The following CNTNAP2 variants were observed in gnomAD, a reference collection of about 807,000 sequenced individuals.
CNTNAP2 encodes contactin-associated protein-like 2.
In CNTNAP2, 98 loss-of-function variants were observed where a neutral mutation model predicts 155.2. That is an observed-to-expected ratio of 0.63 (90% CI 0.54 to 0.75). The LOEUF (loss-of-function observed/expected upper bound fraction) is 0.75. Among genes scored for constraint, CNTNAP2 ranks in the 30% least tolerant of loss-of-function variants. The pLI, the probability that CNTNAP2 is intolerant of heterozygous loss-of-function variation, is 0.00. For synonymous variants in CNTNAP2, 651 were observed against 631.2 expected, an observed-to-expected ratio of 1.03 and a Z score of -0.47; for missense variants, 1,727 against 1,688.1, an observed-to-expected ratio of 1.02 and a Z score of -0.40.
At chr7:147,343,903 C>A (rs1406246774) in intron 9 of CNTNAP2, among the ~76,000 whole-genome samples, 3 of 152,092 alleles carry the variant, frequency 2.0e-5, no homozygotes, top group Non-Finnish European at 4.4e-5. Flanking sequence ...ATTTAAAGAT[C>A]AAGACCAGTC....
At position 147,249,604 on chromosome 7, in the gene CNTNAP2, T is replaced by TAAA. The variant is rs755601249; in HGVS notation, c.1349-50518_1349-50516dup. 2.8e-3 allele frequency among the ~76,000 whole-genome samples: 199 copies of TAAA among 70,006 alleles called. 4 individuals carry two copies. Among genetic ancestry groups the TAAA allele is most frequent in the South Asian group, 0.015 (19 of 1,232 alleles). The allele number at this position is 70,006 out of a possible 152,430, so 45.9% of individuals were successfully genotyped here. On this transcript the variant is annotated intron_variant, in intron 8 of 23. Transcript: ENST00000361727. ...CTATAATAAAGGAAGACATTGGAGG[T>TAAA]AAAAAAAAAAAAAAAAAAAAAGGTT...
At chr7:148,070,225 GA>G (rs1803355109) in intron 15 of CNTNAP2, among the ~76,000 whole-genome samples, 1 of 152,090 alleles carries the variant, frequency 6.6e-6, no homozygotes, top group Non-Finnish European at 1.5e-5. Context: ...CAAATACAAG[GA>G]AAAATAAAAA....
intron 13 of CNTNAP2, among the ~76,000 whole-genome samples, chr7:147,664,649 A>T (rs1795667136): frequency 6.6e-6 from 1 of 151,990 alleles, no homozygotes; most frequent in South Asian, 2.1e-4. Context: ...TTCTTCTTTT[A>T]TTCCTAGGAA....
intron 9 of CNTNAP2, among the ~76,000 whole-genome samples, chr7:147,304,316 C>T (rs955757896): frequency 1.3e-5 from 2 of 152,002 alleles, no homozygotes; most frequent in Non-Finnish European, 1.5e-5. Flanking sequence ...TTTCCTCCAA[C>T]TAGAATTTTT....
At chr7:147,745,541 A>G (rs1339692767) in intron 13 of CNTNAP2, among the ~76,000 whole-genome samples, 2 of 152,192 alleles carry the variant, frequency 1.3e-5, no homozygotes, top group East Asian at 3.8e-4. Flanking sequence ...GAAATTCCAT[A>G]GTGTGTGTTG....
At chr7:147,242,992 T>A in intron 8 of CNTNAP2, among the ~76,000 whole-genome samples, 1 of 102,392 alleles carries the variant, frequency 9.8e-6, no homozygotes, top group African/African-American at 5.2e-5. Flanking sequence ...TTTGCATTTT[T>A]TTTTTTTTTT....
At chr7:147,298,907 C>A (rs1220518113) in intron 8 of CNTNAP2, among the ~76,000 whole-genome samples, 1 of 152,178 alleles carries the variant, frequency 6.6e-6, no homozygotes, top group Non-Finnish European at 1.5e-5. Flanking sequence ...TGGCAGCAAG[C>A]CAGATTTCAG....
At chr7:146,781,674 T>G (rs1802493658) in intron 2 of CNTNAP2, among the ~76,000 whole-genome samples, 2 of 152,334 alleles carry the variant, frequency 1.3e-5, no homozygotes, top group South Asian at 2.1e-4. Flanking sequence ...AAATCTATTA[T>G]TCCTGCTACT....
chr7:146,675,910 C>T (rs1800390530), intron 1 of CNTNAP2, among the ~76,000 whole-genome samples: 1 of 152,068 alleles, frequency 6.6e-6, no homozygotes. Context: ...AATTTCATAA[C>T]CCATCCTGTT....
intron 8 of CNTNAP2, among the ~76,000 whole-genome samples, chr7:147,178,457 A>T (rs144025954): frequency 6.6e-6 from 1 of 152,300 alleles, no homozygotes; most frequent in Non-Finnish European, 1.5e-5. Flanking sequence ...GTCCAGTCTG[A>T]CTTTTGCTGG....
chr7:146,643,616 T>G (rs1799753554), intron 1 of CNTNAP2, among the ~76,000 whole-genome samples: 1 of 152,196 alleles, frequency 6.6e-6, no homozygotes, highest in African/African-American at 2.4e-5. Flanking sequence ...TTTGTTCTTT[T>G]GGCTTAGGGT....
In CNTNAP2 at chr7:147,407,385, G is replaced by A. The variant is rs1278114466; in HGVS notation, c.1670+11605G>A. On this transcript the variant is annotated intron_variant, in intron 10 of 23. Coordinates refer to ENST00000361727, the MANE Select transcript of CNTNAP2 (RefSeq NM_014141.6). ...CGGGAGGCTGAGGCAGAAGAATGGCGTGAACCCGGGAGGTGGAGGTTGCAG... is the reference window on the plus strand; with the variant it reads ...CGGGAGGCTGAGGCAGAAGAATGGCATGAACCCGGGAGGTGGAGGTTGCAG... Among the ~76,000 whole-genome samples, 5 of 148,010 alleles carry A rather than the reference G, an allele frequency of 3.4e-5. No homozygotes were observed. In the East Asian group the frequency reaches 8.3e-4, roughly 24 times the overall value.
At chr7:146,721,500 ATATT>A (rs1236864268) in intron 1 of CNTNAP2, among the ~76,000 whole-genome samples, 2 of 129,648 alleles carry the variant, frequency 1.5e-5, no homozygotes, top group Non-Finnish European at 3.1e-5. Context: ...CATTCTATAT[ATATT>A]CTATATATAC....
At chr7:147,536,576 C>T (rs557892945) in intron 11 of CNTNAP2, among the ~76,000 whole-genome samples, 53 of 152,134 alleles carry the variant, frequency 3.5e-4, no homozygotes, top group Middle Eastern at 3.4e-3. Context: ...TGAGTTTTTG[C>T]GAGTGAGGGG....
intron 13 of CNTNAP2, among the ~76,000 whole-genome samples, chr7:147,840,383 C>A (rs1184071504): frequency 6.6e-6 from 1 of 152,112 alleles, no homozygotes; most frequent in Non-Finnish European, 1.5e-5. Flanking sequence ...TGGAATGCAC[C>A]TTCTTCCCAG....
intron 1 of CNTNAP2, among the ~76,000 whole-genome samples, chr7:146,637,618 A>T (rs1799621428): frequency 6.6e-6 from 1 of 152,088 alleles, no homozygotes; most frequent in African/African-American, 2.4e-5. Context: ...ATGCTCTTTG[A>T]TTTGATCCTT....
At chr7:147,785,074 A>G (rs979560768) in intron 13 of CNTNAP2, among the ~76,000 whole-genome samples, 25 of 152,268 alleles carry the variant, frequency 1.6e-4, no homozygotes, top group Middle Eastern at 3.4e-3. Context: ...ACTCCAGTGC[A>G]CATAGCAAGT....
At chr7:146,520,056 G>A (rs180802727) in intron 1 of CNTNAP2, among the ~76,000 whole-genome samples, 3 of 151,350 alleles carry the variant, frequency 2.0e-5, no homozygotes, top group Middle Eastern at 3.4e-3. Flanking sequence ...AAATGAATAC[G>A]AACCCACTTT....
At chr7:146,165,277 T>TA (rs1338946735) in intron 1 of CNTNAP2, among the ~76,000 whole-genome samples, 1 of 152,142 alleles carries the variant, frequency 6.6e-6, no homozygotes, top group Non-Finnish European at 1.5e-5. Flanking sequence ...TCAGCACAAC[T>TA]AAAAAAGAAA....
Sources: allele counts gnomAD v4.1 joint callset (sites outside exome capture counted in the v4.1 genomes callset), GRCh38; gene constraint gnomAD v4.1.1; transcripts MANE v1.5; gene names NCBI Gene and HGNC (gene_info 2026-07-23, HGNC 2026-07-21).